CA8: variants seen among roughly 807,000 people sequenced by gnomAD.
The protein encoded by CA8 is carbonic anhydrase-related protein.
Under a neutral mutation model 41.4 loss-of-function variants are expected in CA8, and 22 were observed. The observed-to-expected ratio is 0.53, with a 90% CI of 0.38 to 0.76. The LOEUF (loss-of-function observed/expected upper bound fraction) is 0.76. Ranked by LOEUF, CA8 falls within the 30% of genes least tolerant of loss-of-function variation. The pLI, the probability that CA8 is intolerant of heterozygous loss-of-function variation, is 0.00. For synonymous variants in CA8, 121 were observed against 130.6 expected (o/e 0.93, Z 0.50); for missense variants, 270 against 352.8 (o/e 0.77, Z 1.88).
chr8:60,279,623 C>G, intron 2 of CA8, 66 bp downstream of exon 2: 2 of 1,345,592 alleles, frequency 1.5e-6, no homozygotes, highest in Non-Finnish European at 2.1e-6. Context: ...CAAGTTAAAT[C>G]ACAGTTCAAT....
At chr8:60,227,317 G>A (rs1044415811) in intron 4 of CA8, among the ~76,000 whole-genome samples, 13 of 151,778 alleles carry the variant, frequency 8.6e-5, no homozygotes, top group African/African-American at 3.1e-4. Context: ...AACAGAACTC[G>A]GTTCTAGTCC....
chr8:60,275,126 G>A (rs1175051855), intron 2 of CA8, among the ~76,000 whole-genome samples: 1 of 152,134 alleles, frequency 6.6e-6, no homozygotes, highest in African/African-American at 2.4e-5. Context: ...CAGGAAACAA[G>A]CATATTCCAG....
At chr8:60,201,779 C>T (rs557595701) in intron 8 of CA8, among the ~76,000 whole-genome samples, 1 of 138,460 alleles carries the variant, frequency 7.2e-6, no homozygotes, top group Non-Finnish European at 1.5e-5. Flanking sequence ...TTGTAAGGTA[C>T]TAGATGAGGC....
chr8:60,277,359 CTT>C (rs113659462), intron 2 of CA8, among the ~76,000 whole-genome samples: 1 of 146,504 alleles, frequency 6.8e-6, no homozygotes, highest in African/African-American at 2.5e-5. Flanking sequence ...TATTATTCAC[CTT>C]TTTTTTTTTG....
chr8:60,272,875 T>TA, intron 2 of CA8, among the ~76,000 whole-genome samples: 1 of 152,360 alleles, frequency 6.6e-6, no homozygotes, highest in African/African-American at 2.4e-5. Context: ...TGAACACGTA[T>TA]GTTTAGTTCA....
At chr8:60,237,280 C>T (rs1426307848) in intron 3 of CA8, among the ~76,000 whole-genome samples, 1 of 152,202 alleles carries the variant, frequency 6.6e-6, no homozygotes, top group Non-Finnish European at 1.5e-5. Flanking sequence ...TCACGCTTTT[C>T]TCTGTCTTCC....
At chr8:60,209,621 T>G (rs546178942) in intron 7 of CA8, among the ~76,000 whole-genome samples, 1 of 152,370 alleles carries the variant, frequency 6.6e-6, no homozygotes, top group African/African-American at 2.4e-5. Flanking sequence ...TGTTACTGTA[T>G]GTAAACACTG....
chr8:60,239,319 A>AT (rs1365933565), intron 3 of CA8, among the ~76,000 whole-genome samples: 1 of 152,158 alleles, frequency 6.6e-6, no homozygotes, highest in African/African-American at 2.4e-5. Flanking sequence ...CTAGTGCCCC[A>AT]TTAGTGAGAG....
intron 4 of CA8, 92 bp from the exon 5 acceptor site, chr8:60,227,027 C>G (rs1807464899): frequency 1.1e-6 from 1 of 899,286 alleles, no homozygotes; most frequent in Non-Finnish European, 1.9e-6. Context: ...TGTGGTGGCT[C>G]ATGCCTGTAA....
intron 8 of CA8, among the ~76,000 whole-genome samples, chr8:60,202,522 A>T (rs1806464290): frequency 6.6e-6 from 1 of 152,174 alleles, no homozygotes; most frequent in Admixed American, 6.5e-5. Flanking sequence ...GTTTCCATGA[A>T]GGGTTTGTTA....
At chr8:60,198,601 G>C (rs917970736) in intron 8 of CA8, among the ~76,000 whole-genome samples, 2 of 152,012 alleles carry the variant, frequency 1.3e-5, no homozygotes, top group African/African-American at 2.4e-5. Context: ...TGTGTTGTAA[G>C]GGTGATTGAC....
At chr8:60,264,240 GC>G (rs1803827645) in intron 3 of CA8, among the ~76,000 whole-genome samples, 1 of 152,194 alleles carries the variant, frequency 6.6e-6, no homozygotes, top group Non-Finnish European at 1.5e-5. Flanking sequence ...CATGTCACAA[GC>G]AAAGCCATGG....
At chr8:60,251,093 T>C (rs987798975) in intron 3 of CA8, among the ~76,000 whole-genome samples, 1 of 152,184 alleles carries the variant, frequency 6.6e-6, no homozygotes. Context: ...AGGTTCCAAG[T>C]AGATTAAGGA....
chr8:60,188,134 A>G lies in CA8; in HGVS notation c.*1887T>C, dbSNP rs1032889948. The G allele has an allele frequency of 6.6e-6, 1 of 152,244 alleles. No homozygotes were observed. The highest frequency in any genetic ancestry group is 2.4e-5 in the African/African-American group (1 of 41,464). The allele number at this position is 152,244 out of a possible 1,614,324, so 9.4% of individuals were successfully genotyped here. A position where few individuals can be genotyped will look rare whatever the true frequency, so the allele number is the denominator to read the frequency against. ...TTTCAGTCTTTTACTCAGAAAATAT[A>G]CAGTAAATAAATTCAAATTGCTTCA... On this transcript the variant is annotated 3_prime_UTR_variant, in exon 9 of 9. Transcript: ENST00000317995.
intron 3 of CA8, among the ~76,000 whole-genome samples, chr8:60,235,931 T>C (rs538090209): frequency 2.6e-4 from 40 of 152,244 alleles, no homozygotes; most frequent in African/African-American, 8.4e-4. Context: ...AGGGGCTGGA[T>C]TGGAAGTAGC....
chr8:60,189,834 C>T lies in CA8; in HGVS notation c.*187G>A, dbSNP rs575017560. ...GAATATACAGCCATTTCTAATATTTCATTTCAGCAAGTGTACAGGCAACCA... is the reference window on the plus strand; with the variant it reads ...GAATATACAGCCATTTCTAATATTTTATTTCAGCAAGTGTACAGGCAACCA... On this transcript the variant is annotated 3_prime_UTR_variant, in exon 9 of 9. Transcript: ENST00000317995. 1.3e-5 allele frequency: 2 copies of T among 152,534 alleles called. No homozygotes were observed. The highest frequency in any genetic ancestry group is 3.9e-4 in the East Asian group (2 of 5,166). 9.4% of individuals were successfully genotyped at this position (152,534 alleles called of 1,614,324 possible). A position where few individuals can be genotyped will look rare whatever the true frequency, so the allele number is the denominator to read the frequency against.
intron 1 of CA8, 90 bp downstream of exon 1, chr8:60,280,958 C>G: frequency 2.2e-6 from 2 of 914,222 alleles, no homozygotes; most frequent in Non-Finnish European, 3.6e-6. Flanking sequence ...GTGCTCGGAG[C>G]GCGCAGCGGC....
At chr8:60,209,032 G>C in intron 7 of CA8, 113 bp from the exon 8 acceptor site, 1 of 1,202,974 alleles carries the variant, frequency 8.3e-7, no homozygotes, top group Non-Finnish European at 1.2e-6. Context: ...TTATTGAAGA[G>C]AAAATTAAAA....
chr8:60,270,813 T>A (rs1418366904), intron 2 of CA8, among the ~76,000 whole-genome samples: 1 of 152,218 alleles, frequency 6.6e-6, no homozygotes, highest in Non-Finnish European at 1.5e-5. Context: ...CAAAATAGTA[T>A]CATTTAGTTC....
Sources: allele counts gnomAD v4.1 joint callset (sites outside exome capture counted in the v4.1 genomes callset), GRCh38; gene constraint gnomAD v4.1.1; transcripts MANE v1.5; gene names NCBI Gene and HGNC (gene_info 2026-07-23, HGNC 2026-07-21).